Variants in SYNDIG1L observed in about 807,000 individuals in gnomAD.
The protein encoded by SYNDIG1L is synapse differentiation-inducing gene protein 1-like.
SYNDIG1L carries 13 observed loss-of-function variants against 20.1 expected under a neutral mutation model. The observed-to-expected ratio is 0.65, with a 90% CI of 0.42 to 1.03. The LOEUF (loss-of-function observed/expected upper bound fraction) is 1.03, where lower values mean the gene tolerates loss of function less well. Among genes scored for constraint, SYNDIG1L ranks in the 50% least tolerant of loss-of-function variants. The pLI, the probability that SYNDIG1L is intolerant of heterozygous loss-of-function variation, is 0.00. For missense variants in SYNDIG1L, 294 were observed against 305.1 expected, an observed-to-expected ratio of 0.96 and a Z score of 0.27; for synonymous variants, 128 against 129.3, an observed-to-expected ratio of 0.99 and a Z score of 0.07.
intron 1 of SYNDIG1L, among the ~76,000 whole-genome samples, chr14:74,413,949 G>C (rs2086154252): frequency 6.6e-6 from 1 of 152,232 alleles, no homozygotes; most frequent in Non-Finnish European, 1.5e-5. Flanking sequence ...GGAGTTCGCG[G>C]ACGTGATCCT....
chr14:74,421,109 A>G lies in SYNDIG1L; in HGVS notation c.-58+4803T>C, dbSNP rs576225090. Among the ~76,000 whole-genome samples the G allele has an allele frequency of 1.9e-3, 285 of 152,302 alleles. 1 individual carries two copies. Among genetic ancestry groups the G allele is most frequent in the Middle Eastern group, 6.8e-3 (2 of 294 alleles). Reference sequence around the variant, plus strand: ...TTCAAGTTACAGAAAAAAAACTTTGAAAAAAAATTTTTTGAATTCATATCC... The same window carrying G: ...TTCAAGTTACAGAAAAAAAACTTTGGAAAAAAATTTTTTGAATTCATATCC... On this transcript the variant is annotated intron_variant, in intron 1 of 3. Transcript: ENST00000331628.
the SYNDIG1L span, among the ~76,000 whole-genome samples, chr14:74,447,471 C>A: frequency 6.6e-6 from 1 of 151,932 alleles, no homozygotes; most frequent in Non-Finnish European, 1.5e-5. Context: ...CCTGTAATCC[C>A]AGCTACTTGA....
chr14:74,416,671 A>G (rs2086177936), intron 1 of SYNDIG1L, among the ~76,000 whole-genome samples: 1 of 152,096 alleles, frequency 6.6e-6, no homozygotes, highest in South Asian at 2.1e-4. Context: ...ACAAACAAAC[A>G]AAAAAGATAG....
intron 2 of SYNDIG1L, among the ~76,000 whole-genome samples, chr14:74,408,344 A>T (rs754332534): frequency 2.0e-5 from 3 of 152,118 alleles, no homozygotes; most frequent in African/African-American, 4.8e-5. Context: ...CGGGTGGATC[A>T]CCTGAGGTCA....
upstream of SYNDIG1L, among the ~76,000 whole-genome samples, chr14:74,426,674 C>T (rs1489754062): frequency 6.6e-6 from 1 of 152,092 alleles, no homozygotes; most frequent in African/African-American, 2.4e-5. Context: ...CTTAACAACT[C>T]TATTAGGCAA....
chr14:74,419,853 C>CA (rs2086207565), intron 1 of SYNDIG1L, among the ~76,000 whole-genome samples: 1 of 151,924 alleles, frequency 6.6e-6, no homozygotes, highest in Non-Finnish European at 1.5e-5. Flanking sequence ...GGTTATAGCA[C>CA]AAAAGCATGG....
chr14:74,474,536 A>C, the SYNDIG1L span: 1 of 152,228 alleles, frequency 6.6e-6, no homozygotes, highest in African/African-American at 2.4e-5. Context: ...AGCCATCTTC[A>C]TGGCTTCTTG....
the SYNDIG1L span, among the ~76,000 whole-genome samples, chr14:74,464,746 G>A: frequency 6.6e-6 from 1 of 152,088 alleles, no homozygotes; most frequent in African/African-American, 2.4e-5. Flanking sequence ...TCTACCAAAT[G>A]GGAGCCATGG....
At chr14:74,444,251 G>A in the SYNDIG1L span, among the ~76,000 whole-genome samples, 1 of 151,630 alleles carries the variant, frequency 6.6e-6, no homozygotes, top group East Asian at 2.0e-4. Flanking sequence ...GTAGAGATGG[G>A]GTTTCACCAT....
chr14:74,471,585 G>A, the SYNDIG1L span, among the ~76,000 whole-genome samples: 1 of 149,744 alleles, frequency 6.7e-6, no homozygotes, highest in Non-Finnish European at 1.5e-5. Flanking sequence ...GTGACAACGT[G>A]AGACCCTATC....
Position 74,407,687 on chromosome 14 carries a change from T to C in SYNDIG1L, c.565A>G (p.Lys189Glu), listed in dbSNP as rs1453089041. The change falls in exon 4 of 4, where the codon AAG (lysine) becomes GAG (glutamate). Residue 189 changes from lysine to glutamate, a missense_variant. Lys to Glu is a moderately conservative substitution (Grantham distance 56). Transcript: ENST00000331628. ...AAFYFSQGTS[K>E]AISKGDFRLA... is the part of the protein sequence containing the mutation. ...CGGAAGTCCCCTTTGGAGATGGCCT[T>C]GCTGGTCTAGGGAGAGAGACATGCT... 6.2e-7 allele frequency: 1 copy of C among 1,605,844 alleles called. No individual in the cohort carries two copies. Among genetic ancestry groups the C allele is most frequent in the Admixed American group, 1.7e-5 (1 of 59,458 alleles).
the SYNDIG1L span, among the ~76,000 whole-genome samples, chr14:74,447,678 ATAAAT>A: frequency 1.3e-5 from 2 of 152,218 alleles, no homozygotes; most frequent in African/African-American, 2.4e-5. Context: ...ACAACAATTG[ATAAAT>A]TAAGCTGGCA....
the SYNDIG1L span, among the ~76,000 whole-genome samples, chr14:74,437,115 C>G: frequency 6.6e-6 from 1 of 152,144 alleles, no homozygotes; most frequent in African/African-American, 2.4e-5. Context: ...TAGATGTTTG[C>G]TGAATAAAGA....
At chr14:74,415,174 A>G (rs191131190) in intron 1 of SYNDIG1L, among the ~76,000 whole-genome samples, 2 of 152,306 alleles carry the variant, frequency 1.3e-5, no homozygotes, top group East Asian at 3.9e-4. Flanking sequence ...GGAGCAACTC[A>G]GAAACAAACC....
chr14:74,468,632 C>T, the SYNDIG1L span, among the ~76,000 whole-genome samples: 1 of 152,142 alleles, frequency 6.6e-6, no homozygotes, highest in Non-Finnish European at 1.5e-5. Context: ...GATCCCCCTG[C>T]TTGGAAACCT....
chr14:74,465,489 C>T, the SYNDIG1L span, among the ~76,000 whole-genome samples: 1 of 152,362 alleles, frequency 6.6e-6, no homozygotes, highest in African/African-American at 2.4e-5. Context: ...TCCTCCCCAA[C>T]ACCTCTCACT....
the SYNDIG1L span, among the ~76,000 whole-genome samples, chr14:74,467,607 T>C: frequency 2.0e-5 from 3 of 152,178 alleles, no homozygotes; most frequent in Admixed American, 2.0e-4. Flanking sequence ...AAATCCCTTA[T>C]CTGAGCAATA....
chr14:74,453,083 A>C, the SYNDIG1L span, among the ~76,000 whole-genome samples: 4 of 152,170 alleles, frequency 2.6e-5, no homozygotes, highest in African/African-American at 9.7e-5. Context: ...GCAGTGGCTC[A>C]CACCTGTAAT....
chr14:74,436,466 T>C, the SYNDIG1L span, among the ~76,000 whole-genome samples: 1 of 152,054 alleles, frequency 6.6e-6, no homozygotes, highest in Non-Finnish European at 1.5e-5. Flanking sequence ...CTCAAACTCC[T>C]GGCTTCAAGT....
Sources: gnomAD v4.1 joint callset for allele counts (sites outside exome capture counted in the v4.1 genomes callset) on GRCh38, gnomAD v4.1.1 for gene constraint, MANE v1.5 for transcripts, NCBI Gene and HGNC (gene_info 2026-07-23, HGNC 2026-07-21) for gene names.